CSMD1: variants seen among roughly 807,000 people sequenced by gnomAD.
The protein encoded by CSMD1 is CUB and Sushi multiple domains 1, also known as CUB and sushi domain-containing protein 1.
In CSMD1, 213 loss-of-function variants were observed where a neutral mutation model predicts 417.5. That is an observed-to-expected ratio of 0.51 (90% confidence interval 0.46 to 0.57). The LOEUF is 0.57. Among genes scored for constraint, CSMD1 ranks in the 20% least tolerant of loss-of-function variants. CSMD1 has a pLI of 0.00. For missense variants in CSMD1, 6,923 were observed against 4,529.7 expected (o/e 1.53, Z -15.17); for synonymous variants, 2,862 against 1,736.8 (o/e 1.65, Z -16.11).
At chr8:4,800,972 A>G (rs1418205641) in intron 1 of CSMD1, among the ~76,000 whole-genome samples, 1 of 152,214 alleles carries the variant, frequency 6.6e-6, no homozygotes, top group Non-Finnish European at 1.5e-5. Context: ...TTCTTTCCTT[A>G]GTTTTATCCC....
In CSMD1 at chr8:3,201,659, G is replaced by A. The variant is rs746671830; in HGVS notation, c.5051C>T (p.Thr1684Ile). 4 of 1,606,812 alleles carry A rather than the reference G, an allele frequency of 2.5e-6. No homozygotes were observed. Among genetic ancestry groups the A allele is most frequent in the South Asian group, 2.2e-5 (2 of 89,068 alleles). ...LNDLAELFDG[T>I]HAQARLLSSL... is the part of the protein sequence containing the mutation. ...GCTGAGAAGTCTGGCCTGTGCATGGGTTCCATCAAATAATTCTGCCAAATC... is the reference window on the plus strand; with the variant it reads ...GCTGAGAAGTCTGGCCTGTGCATGGATTCCATCAAATAATTCTGCCAAATC... The change falls in exon 32 of 70, where the codon ACC becomes ATC. Residue 1684 changes from threonine to isoleucine, a missense_variant. By Grantham distance (89) the Thr-to-Ile change is moderately conservative (BLOSUM62 -1). Coordinates refer to ENST00000635120, the MANE Select transcript of CSMD1 (RefSeq NM_033225.6).
chr8:4,096,557 A>G (rs1235357438), intron 3 of CSMD1, among the ~76,000 whole-genome samples: 1 of 147,454 alleles, frequency 6.8e-6, no homozygotes, highest in Non-Finnish European at 1.5e-5. Context: ...TTAACGATTG[A>G]TAATGCACGC....
At chr8:4,021,845 G>T (rs1430012898) in intron 4 of CSMD1, among the ~76,000 whole-genome samples, 3 of 152,042 alleles carry the variant, frequency 2.0e-5, no homozygotes, top group African/African-American at 7.2e-5. Context: ...AGTTGGCTCA[G>T]AGATAACAAT....
intron 3 of CSMD1, among the ~76,000 whole-genome samples, chr8:4,401,852 T>A (rs148909494): frequency 1.7e-3 from 266 of 152,164 alleles, no homozygotes; most frequent in Middle Eastern, 6.8e-3. Context: ...ATTTCCTGAC[T>A]TTCCCCCCAA....
At chr8:3,687,920 T>A (rs1800030439) in intron 7 of CSMD1, among the ~76,000 whole-genome samples, 1 of 152,216 alleles carries the variant, frequency 6.6e-6, no homozygotes, top group Non-Finnish European at 1.5e-5. Context: ...TCTGAGTAAA[T>A]GCCTCTCTGC....
At chr8:4,065,011 G>A (rs1226679845) in intron 3 of CSMD1, among the ~76,000 whole-genome samples, 1 of 151,550 alleles carries the variant, frequency 6.6e-6, no homozygotes, top group Non-Finnish European at 1.5e-5. Context: ...CACTTAAGTT[G>A]TTCATTTTTA....
chr8:3,765,450 T>C (rs1443466802), intron 5 of CSMD1, among the ~76,000 whole-genome samples: 1 of 152,218 alleles, frequency 6.6e-6, no homozygotes, highest in East Asian at 1.9e-4. Context: ...TCTTACATTA[T>C]TAATGGTTGT....
intron 12 of CSMD1, among the ~76,000 whole-genome samples, chr8:3,449,360 T>A (rs1023862442): frequency 4.6e-5 from 7 of 152,172 alleles, no homozygotes; most frequent in Admixed American, 3.3e-4. Flanking sequence ...TCTACCCCTC[T>A]GTTATGTGAC....
intron 3 of CSMD1, among the ~76,000 whole-genome samples, chr8:4,133,832 A>C (rs2130989672): frequency 6.6e-6 from 1 of 152,292 alleles, no homozygotes; most frequent in African/African-American, 2.4e-5. Flanking sequence ...CCTCTGAAAC[A>C]CACACCTGCT....
At chr8:3,178,016 T>G (rs943499574) in intron 37 of CSMD1, among the ~76,000 whole-genome samples, 1 of 152,182 alleles carries the variant, frequency 6.6e-6, no homozygotes, top group Admixed American at 6.5e-5. Context: ...ATAGAATATA[T>G]TAATAATTCA....
chr8:4,021,660 C>A (rs867612502), intron 4 of CSMD1, among the ~76,000 whole-genome samples: 1 of 152,314 alleles, frequency 6.6e-6, no homozygotes, highest in South Asian at 2.1e-4. Flanking sequence ...TCCCTTTTCT[C>A]TTTTGGCGCA....
At chr8:4,045,663 A>G (rs1244039507) in intron 3 of CSMD1, among the ~76,000 whole-genome samples, 1 of 152,234 alleles carries the variant, frequency 6.6e-6, no homozygotes, top group Non-Finnish European at 1.5e-5. Context: ...ATTGTAGTAG[A>G]AATAATTTTA....
intron 5 of CSMD1, among the ~76,000 whole-genome samples, chr8:3,804,665 GA>G (rs1800631748): frequency 6.6e-6 from 1 of 152,180 alleles, no homozygotes; most frequent in Non-Finnish European, 1.5e-5. Flanking sequence ...AGAAGTGAAA[GA>G]AAAATTAAGA....
At chr8:4,857,043 G>T (rs1286806680) in intron 1 of CSMD1, among the ~76,000 whole-genome samples, 1 of 148,494 alleles carries the variant, frequency 6.7e-6, no homozygotes, top group Non-Finnish European at 1.5e-5. Flanking sequence ...AAATGTAAAA[G>T]AACAGAAATT....
intron 3 of CSMD1, among the ~76,000 whole-genome samples, chr8:4,270,756 A>G (rs1454629858): frequency 6.6e-6 from 1 of 152,162 alleles, no homozygotes; most frequent in Non-Finnish European, 1.5e-5. Flanking sequence ...AGTGCTACTC[A>G]TCACCTGCAC....
intron 3 of CSMD1, among the ~76,000 whole-genome samples, chr8:4,347,614 G>C (rs1280443441): frequency 6.6e-6 from 1 of 152,160 alleles, no homozygotes; most frequent in African/African-American, 2.4e-5. Flanking sequence ...CATCTGCTCT[G>C]AGTCTTCTAG....
intron 42 of CSMD1, among the ~76,000 whole-genome samples, chr8:3,113,758 G>A (rs1397881471): frequency 6.6e-6 from 1 of 152,186 alleles, no homozygotes; most frequent in African/African-American, 2.4e-5. Context: ...TGAAGCCACA[G>A]CTCGAAGATA....
chr8:3,175,307 T>A (rs1316681709), intron 37 of CSMD1, among the ~76,000 whole-genome samples: 1 of 152,190 alleles, frequency 6.6e-6, no homozygotes, highest in Non-Finnish European at 1.5e-5. Context: ...AATTACCTCT[T>A]TTTTCCTCAT....
intron 2 of CSMD1, among the ~76,000 whole-genome samples, chr8:4,613,653 G>T (rs945508457): frequency 1.3e-5 from 2 of 152,062 alleles, no homozygotes; most frequent in African/African-American, 4.8e-5. Context: ...AACCCTTAAT[G>T]AATTATATGC....
Sources: gnomAD v4.1 joint callset for allele counts (sites outside exome capture counted in the v4.1 genomes callset) on GRCh38, gnomAD v4.1.1 for gene constraint, MANE v1.5 for transcripts, NCBI Gene and HGNC (gene_info 2026-07-23, HGNC 2026-07-21) for gene names.